The following ABCA9 variants were observed in gnomAD, a reference collection of about 807,000 sequenced individuals.
ABCA9 encodes the protein ATP-binding cassette sub-family A member 9.
In ABCA9, 183 loss-of-function variants were observed where a neutral mutation model predicts 205.3. That is an observed-to-expected ratio of 0.89 (90% CI 0.79 to 1.01). ABCA9 has a LOEUF of 1.01. Ranked by LOEUF, ABCA9 falls within the 50% of genes least tolerant of loss-of-function variation. The probability of loss-of-function intolerance (pLI) is 0.00; values close to 1 mark genes in which losing one functional copy is unlikely to be tolerated. For missense variants in ABCA9, 1,805 were observed against 1,912.4 expected (o/e 0.94, Z 1.05); for synonymous variants, 651 against 683.3 (o/e 0.95, Z 0.74).
At chr17:69,047,024 C>T (rs1409098705) in intron 3 of ABCA9, among the ~76,000 whole-genome samples, 6 of 150,528 alleles carry the variant, frequency 4.0e-5, no homozygotes, top group African/African-American at 7.3e-5. Flanking sequence ...TGCAGTGGCA[C>T]GATCTCGGCT....
At chr17:68,988,977 T>C (rs1261079711) in intron 31 of ABCA9, 50 bp downstream of exon 31, 1 of 1,123,830 alleles carries the variant, frequency 8.9e-7, no homozygotes, top group Non-Finnish European at 1.4e-6. Context: ...TTGCCATCAA[T>C]ATTCTTTGTA....
At chr17:68,984,800 CCTTT>C (rs1314436773) in intron 34 of ABCA9, 81 bp downstream of exon 34, 10 of 1,560,718 alleles carry the variant, frequency 6.4e-6, no homozygotes, top group African/African-American at 1.4e-5. Flanking sequence ...TGTGTCTTTT[CCTTT>C]CTAAGTAAAC....
intron 8 of ABCA9, 96 bp from the exon 9 acceptor site, chr17:69,033,969 A>C (rs1598397034): frequency 1.0e-6 from 1 of 985,864 alleles, no homozygotes; most frequent in African/African-American, 1.6e-5. Context: ...TGCAAAGATA[A>C]ATAAGATATA....
intron 22 of ABCA9, among the ~76,000 whole-genome samples, chr17:69,015,540 A>G (rs2070554831): frequency 6.6e-6 from 1 of 152,192 alleles, no homozygotes; most frequent in Non-Finnish European, 1.5e-5. Flanking sequence ...AATAAAGCTG[A>G]ACATTATTTA....
At chr17:69,058,204 T>C (rs934037862) in intron 1 of ABCA9, among the ~76,000 whole-genome samples, 2 of 152,202 alleles carry the variant, frequency 1.3e-5, no homozygotes, top group African/African-American at 4.8e-5. Context: ...TAATAAGGCC[T>C]GTGTTTTCAC....
chr17:69,056,164 T>C (rs567869344), intron 1 of ABCA9, among the ~76,000 whole-genome samples: 1 of 152,010 alleles, frequency 6.6e-6, no homozygotes, highest in Non-Finnish European at 1.5e-5. Flanking sequence ...ATAGTAAAAA[T>C]TATGATAGAA....
the ABCA9 span, among the ~76,000 whole-genome samples, chr17:69,069,708 C>T: frequency 6.6e-6 from 1 of 151,588 alleles, no homozygotes; most frequent in Non-Finnish European, 1.5e-5. Context: ...TTCTCTTGAT[C>T]CCTTCTTTTG....
chr17:69,041,830 T>C (rs140775846), intron 6 of ABCA9, among the ~76,000 whole-genome samples: 76 of 152,246 alleles, frequency 5.0e-4, no homozygotes, highest in African/African-American at 1.8e-3. Flanking sequence ...AGAAAAACTT[T>C]CATCATAAAC....
At chr17:69,026,303 A>G (rs1021857341) in intron 16 of ABCA9, 74 bp downstream of exon 16, 6 of 1,202,278 alleles carry the variant, frequency 5.0e-6, no homozygotes, top group Non-Finnish European at 2.4e-6. Context: ...CTACTTTTAC[A>G]CATTGATGCT....
rs2070772109 is a variant in ABCA9 at position 69,020,420 on chromosome 17, C to A, written c.2568G>T (p.Lys856Asn). The A allele has an allele frequency of 1.2e-6, 2 of 1,613,726 alleles. No individual in the cohort carries two copies. Among genetic ancestry groups the A allele is most frequent in the African/African-American group, 2.7e-5 (2 of 74,904 alleles). ...VCAIAKVRFL[K>N]LKKERKSLWT... ...ACAGGCTTTTTCTTTCTTTCTTTAACTTTAGGAAGCGAACTTTTGCTATTG... is the reference window on the plus strand; with the variant it reads ...ACAGGCTTTTTCTTTCTTTCTTTAAATTTAGGAAGCGAACTTTTGCTATTG... The change falls in exon 19 of 39, where the codon AAG becomes AAT. Residue 856 changes from lysine (K) to asparagine (N), a missense_variant. Coordinates refer to ENST00000340001, the MANE Select transcript of ABCA9 (RefSeq NM_080283.4).
rs763085343 is a variant in ABCA9, at chr17:69,049,266, A to G, written c.304+17T>C. On this transcript the variant is annotated intron_variant, in intron 3 of 38. Transcript: ENST00000340001. ...TTTGCAAATAAGGAAATTACTATGA[A>G]CAACCAGGGAACATACCTTTTAGGA... 8 of 1,563,688 alleles carry G rather than the reference A, an allele frequency of 5.1e-6. No individual in the cohort carries two copies. The highest frequency in any genetic ancestry group is 6.1e-6 in the Non-Finnish European group (7 of 1,149,942).
intron 31 of ABCA9, 82 bp downstream of exon 31, chr17:68,988,945 G>T: frequency 1.2e-6 from 1 of 812,612 alleles, no homozygotes; most frequent in Non-Finnish European, 2.0e-6. Context: ...AAGTGATTAT[G>T]GATCAACTAC....
rs912113486 is a variant in ABCA9 at position 69,035,341 on chromosome 17, G to A, written c.1033C>T (p.Leu345=). 1.0e-4 allele frequency: 167 copies of A among 1,610,578 alleles called. No individual in the cohort carries two copies. Among genetic ancestry groups the A allele is most frequent in the Non-Finnish European group, 1.3e-4 (152 of 1,178,224 alleles). The change falls in exon 8 of 39, where the codon CTG becomes TTG. Residue 345 remains leucine, a synonymous_variant. Coordinates refer to ENST00000340001, the MANE Select transcript of ABCA9 (RefSeq NM_080283.4). ...VFLLIVFWGI[L]GFPALYTRLP... ...CGTGTATACAATGCTGGGAATCCCA[G>A]GATCCCCCAAAAGACAATAAGGAGA...
chr17:69,005,520 A>G (rs1328569641), intron 25 of ABCA9, among the ~76,000 whole-genome samples: 1 of 152,172 alleles, frequency 6.6e-6, no homozygotes, highest in Non-Finnish European at 1.5e-5. Flanking sequence ...TTTAGAGCCA[A>G]TTATTAGCAT....
intron 4 of ABCA9, 22 bp from the exon 5 acceptor site, chr17:69,044,622 A>G (rs1237232329): frequency 8.1e-6 from 13 of 1,600,156 alleles, no homozygotes; most frequent in East Asian, 2.2e-5. Context: ...GAACACATCC[A>G]TTATTACGGA....
intron 37 of ABCA9, 37 bp downstream of exon 37, chr17:68,982,525 G>C (rs1323596089): frequency 1.3e-6 from 2 of 1,506,656 alleles, no homozygotes; most frequent in Admixed American, 3.4e-5. Flanking sequence ...AGGCTTATCT[G>C]TTTCCCAGAG....
At chr17:69,029,337 T>A in intron 10 of ABCA9, 110 bp from the exon 11 acceptor site, 4 of 634,524 alleles carry the variant, frequency 6.3e-6, no homozygotes, top group South Asian at 2.5e-5. Context: ...GGGATTCTTT[T>A]CTTGTAAAGC....
chr17:69,028,079 ACAATT>A (rs2071049891), intron 12 of ABCA9, among the ~76,000 whole-genome samples: 1 of 152,244 alleles, frequency 6.6e-6, no homozygotes, highest in Non-Finnish European at 1.5e-5. Context: ...TAGGTATAAT[ACAATT>A]CAATAAAAGA....
intron 37 of ABCA9, among the ~76,000 whole-genome samples, chr17:68,981,347 A>G (rs2069046959): frequency 6.6e-6 from 1 of 152,190 alleles, no homozygotes; most frequent in African/African-American, 2.4e-5. Context: ...GAAAAAAGAA[A>G]GCAGAAACAT....
Sources: gnomAD v4.1 joint callset for allele counts (sites outside exome capture counted in the v4.1 genomes callset) on GRCh38, gnomAD v4.1.1 for gene constraint, MANE v1.5 for transcripts, NCBI Gene and HGNC (gene_info 2026-07-23, HGNC 2026-07-21) for gene names.